The following IL1RAPL1 variants were observed in gnomAD, a reference collection of about 807,000 sequenced individuals.
IL1RAPL1 encodes the protein interleukin-1 receptor accessory protein-like 1.
In IL1RAPL1, 3 loss-of-function variants were observed where a neutral mutation model predicts 48.4. The observed-to-expected ratio is 0.06, with a 90% CI of 0.03 to 0.16. The LOEUF is 0.16. IL1RAPL1 is among the 10% of genes least tolerant of loss of function. The pLI is 1.00. For synonymous variants in IL1RAPL1, 185 were observed against 187.7 expected (o/e 0.99, Z 0.12); for missense variants, 349 against 530.6 (o/e 0.66, Z 3.36).
chrX:28,712,361 T>G, intron 1 of IL1RAPL1, among the ~76,000 whole-genome samples: 1 of 104,853 alleles, frequency 9.5e-6, no homozygotes. Flanking sequence ...GGTTGGCAGG[T>G]TTTTTTTTTT....
intron 6 of IL1RAPL1, among the ~76,000 whole-genome samples, chrX:29,803,011 ATAT>A (rs1930035812): frequency 1.6e-5 from 1 of 63,318 alleles, no homozygotes; most frequent in Non-Finnish European, 2.8e-5. Context: ...GCATATATAC[ATAT>A]GTGTACATAT....
chrX:28,867,509 C>T (rs1170596773), intron 2 of IL1RAPL1, among the ~76,000 whole-genome samples: 1 of 112,073 alleles, frequency 8.9e-6, no homozygotes, highest in Admixed American at 9.5e-5. Context: ...TGTATCTTGT[C>T]TAAGCCTGTT....
intron 2 of IL1RAPL1, among the ~76,000 whole-genome samples, chrX:28,964,865 GT>G (rs1020361590): frequency 9.0e-6 from 1 of 110,550 alleles, no homozygotes; most frequent in Admixed American, 9.7e-5. Flanking sequence ...ACAGTTTATG[GT>G]TTTGAAGTAG....
Position 29,520,112 on chromosome X carries a change from C to A in IL1RAPL1, c.703+120804C>A, listed in dbSNP as rs192960013. 7.1e-5 allele frequency among the ~76,000 whole-genome samples: 8 copies of A among 112,038 alleles called. No individual in the cohort carries two copies. The East Asian group carries it at 2.2e-3, about 31-fold the overall frequency. ...GCAGTCTCAATAAGTATTTGCCACA[C>A]CAGTGAAGGACTGTTATTTTCCTTA... On this transcript the variant is annotated intron_variant, in intron 5 of 10. Transcript: ENST00000378993.
At chrX:29,779,567 C>A (rs1929286246) in intron 6 of IL1RAPL1, among the ~76,000 whole-genome samples, 1 of 110,961 alleles carries the variant, frequency 9.0e-6, no homozygotes, top group Non-Finnish European at 1.9e-5. Context: ...AACCATATAA[C>A]AAACCTGCCC....
chrX:29,809,776 C>CGTT lies in IL1RAPL1; in HGVS notation c.779-107688_779-107687insGTT, dbSNP rs770202489. Among the ~76,000 whole-genome samples the CGTT allele has an allele frequency of 5.3e-3, 507 of 94,781 alleles. 2 individuals carry two copies. Among genetic ancestry groups the CGTT allele is most frequent in the African/African-American group, 0.019 (487 of 26,170 alleles). 82.3% of individuals were successfully genotyped at this position (94,781 alleles called of 115,157 possible). A position where few individuals can be genotyped will look rare whatever the true frequency, so the allele number is the denominator to read the frequency against. The stretch of plus-strand genomic sequence containing the variant: ...TGATTAAATATACCCAAGTCGTTAA[C>CGTT]TTTTTTTTTTTTTTTTGCTCATCAT... On this transcript the variant is annotated intron_variant, in intron 6 of 10. Coordinates refer to ENST00000378993, the MANE Select transcript of IL1RAPL1 (RefSeq NM_014271.4).
intron 6 of IL1RAPL1, among the ~76,000 whole-genome samples, chrX:29,801,911 T>C (rs1323985867): frequency 8.9e-6 from 1 of 112,321 alleles, no homozygotes; most frequent in East Asian, 2.8e-4. Flanking sequence ...CTGTTTGGAA[T>C]TACAGGAAAT....
At chrX:29,263,970 G>A (rs1048984931) in intron 2 of IL1RAPL1, among the ~76,000 whole-genome samples, 1 of 108,219 alleles carries the variant, frequency 9.2e-6, no homozygotes, top group Non-Finnish European at 1.9e-5. Flanking sequence ...CTCCAATTAG[G>A]GAGAAGTAGA....
At chrX:28,702,586 A>G (rs1244135118) in intron 1 of IL1RAPL1, among the ~76,000 whole-genome samples, 2 of 111,905 alleles carry the variant, frequency 1.8e-5, no homozygotes, top group African/African-American at 6.5e-5. Context: ...TTTCAAATGC[A>G]TAATCTCATC....
intron 6 of IL1RAPL1, among the ~76,000 whole-genome samples, chrX:29,779,564 TAACA>T (rs1385613959): frequency 1.8e-5 from 2 of 111,082 alleles, no homozygotes; most frequent in East Asian, 5.6e-4. Flanking sequence ...TTTAACCATA[TAACA>T]AACCTGCCCA....
At chrX:29,951,929 G>C (rs1164961292) in intron 9 of IL1RAPL1, among the ~76,000 whole-genome samples, 1 of 111,668 alleles carries the variant, frequency 9.0e-6, no homozygotes. Flanking sequence ...GTTATGGAAG[G>C]AAAGGATATT....
At chrX:29,666,640 C>T (rs144806229) in intron 5 of IL1RAPL1, among the ~76,000 whole-genome samples, 2,562 of 109,305 alleles carry the variant, frequency 0.023, 71 homozygotes, top group African/African-American at 0.08. Flanking sequence ...ACCACAAAAC[C>T]GTTTTGTATT....
rs1171810620 is a variant in IL1RAPL1, at chrX:28,889,433, A to AT, written c.82+100013dup. Among the ~76,000 whole-genome samples, 4 of 111,693 alleles carry AT rather than the reference A, an allele frequency of 3.6e-5. No individual in the cohort carries two copies. In the East Asian group the frequency reaches 1.1e-3, roughly 32 times the overall value. On this transcript the variant is annotated intron_variant, in intron 2 of 10. Transcript: ENST00000378993. ...GCTATTAACACTAAAATATTTTAGG[A>AT]TTTTTAGCACAGTGTCATTATCTAC... is the stretch of plus-strand genomic sequence containing the variant.
intron 6 of IL1RAPL1, among the ~76,000 whole-genome samples, chrX:29,869,253 A>G (rs962901961): frequency 1.8e-5 from 2 of 112,012 alleles, no homozygotes; most frequent in African/African-American, 3.2e-5. Context: ...TTTGCAACCA[A>G]TAATATCCTT....
chrX:29,139,864 T>C (rs1288351518), intron 2 of IL1RAPL1, among the ~76,000 whole-genome samples: 2 of 104,209 alleles, frequency 1.9e-5, no homozygotes, highest in African/African-American at 7.0e-5. Context: ...TATTAATGTA[T>C]GTAAAAGAAT....
chrX:29,337,908 C>G (rs992910045), intron 3 of IL1RAPL1, among the ~76,000 whole-genome samples: 2 of 111,396 alleles, frequency 1.8e-5, no homozygotes, highest in Admixed American at 9.6e-5. Context: ...CTCCTGACCT[C>G]AAGTGATCTG....
chrX:28,918,326 C>T (rs946420048), intron 2 of IL1RAPL1, among the ~76,000 whole-genome samples: 2 of 112,044 alleles, frequency 1.8e-5, no homozygotes, highest in Non-Finnish European at 3.8e-5. Context: ...TCAGAAAGAA[C>T]AAACTTTTTC....
At chrX:29,095,917 A>C (rs776046268) in intron 2 of IL1RAPL1, among the ~76,000 whole-genome samples, 1 of 111,493 alleles carries the variant, frequency 9.0e-6, no homozygotes, top group South Asian at 3.8e-4. Context: ...AATCCTGGAC[A>C]CATATGATAA....
At chrX:28,940,763 C>T (rs1431982528) in intron 2 of IL1RAPL1, among the ~76,000 whole-genome samples, 1 of 110,598 alleles carries the variant, frequency 9.0e-6, no homozygotes, top group African/African-American at 3.3e-5. Context: ...CCTCTCTCTA[C>T]CCCTTGGAGG....
Sources: allele counts gnomAD v4.1 joint callset (sites outside exome capture counted in the v4.1 genomes callset), GRCh38; gene constraint gnomAD v4.1.1; transcripts MANE v1.5; gene names NCBI Gene and HGNC (gene_info 2026-07-23, HGNC 2026-07-21).